The following TAF3 variants were observed in gnomAD, a reference collection of about 807,000 sequenced individuals.
The protein encoded by TAF3 is transcription initiation factor TFIID subunit 3.
Under a neutral mutation model 80.6 loss-of-function variants are expected in TAF3, and 7 were observed. The observed-to-expected ratio is 0.09, with a 90% CI of 0.05 to 0.16. The LOEUF is 0.16. TAF3 is among the 10% of genes least tolerant of loss of function. The pLI, the probability that TAF3 is intolerant of heterozygous loss-of-function variation, is 1.00. For missense variants in TAF3, 921 were observed against 1,140.2 expected (o/e 0.81, Z 2.77); for synonymous variants, 444 against 446.1 (o/e 1.00, Z 0.06).
rs574905669 is a variant in TAF3, at chr10:7,856,416, G to T, written c.409+31856G>T. ...AATCGCTTGAACCCAGTAGGTGGAG[G>T]TTGCAGTGAGCCGAGATCATGCCAC... On this transcript the variant is annotated intron_variant, in intron 2 of 6. Transcript: ENST00000344293. 1.4e-4 allele frequency among the ~76,000 whole-genome samples: 21 copies of T among 152,274 alleles called. No homozygotes were observed. The South Asian group carries it at 4.1e-3, about 30-fold the overall frequency.
intron 4 of TAF3, among the ~76,000 whole-genome samples, chr10:7,994,809 C>CAAAAAAAAAAAAA (rs34669002): frequency 2.7e-4 from 34 of 124,336 alleles, no homozygotes; most frequent in East Asian, 7.0e-4. Flanking sequence ...CTAAAAATAC[C>CAAAAAAAAAAAAA]AAAAAAAAAA....
chr10:8,013,630 T>C, intron 5 of TAF3, 101 bp from the exon 6 acceptor site: 1 of 869,900 alleles, frequency 1.1e-6, no homozygotes, highest in Non-Finnish European at 1.8e-6. Context: ...AATATGCCTG[T>C]TTATTCGGTT....
intron 2 of TAF3, among the ~76,000 whole-genome samples, chr10:7,843,964 T>A (rs1301396766): frequency 6.6e-6 from 1 of 152,204 alleles, no homozygotes; most frequent in Non-Finnish European, 1.5e-5. Flanking sequence ...CTCTTTCAAT[T>A]TCTGTTAGTG....
intron 2 of TAF3, among the ~76,000 whole-genome samples, chr10:7,901,934 T>G (rs1837562133): frequency 6.6e-6 from 1 of 152,202 alleles, no homozygotes; most frequent in African/African-American, 2.4e-5. Flanking sequence ...TTTTGCCACA[T>G]TGGCTTTCTT....
chr10:7,951,885 T>G (rs1415878156), intron 2 of TAF3, among the ~76,000 whole-genome samples: 20 of 152,198 alleles, frequency 1.3e-4, no homozygotes, highest in Admixed American at 9.8e-4. Context: ...CATGTCTCTA[T>G]GATTGTAGGG....
intron 2 of TAF3, among the ~76,000 whole-genome samples, chr10:7,928,021 C>T (rs1464617312): frequency 6.6e-6 from 1 of 151,914 alleles, no homozygotes. Flanking sequence ...ATTTGTTTTA[C>T]GGCCTCTAAC....
chr10:7,920,224 G>A (rs1483713145), intron 2 of TAF3, among the ~76,000 whole-genome samples: 3 of 151,716 alleles, frequency 2.0e-5, no homozygotes, highest in South Asian at 2.1e-4. Flanking sequence ...ACTGCACTCC[G>A]GCCTGCGCGA....
At chr10:7,923,267 T>G (rs1837782248) in intron 2 of TAF3, among the ~76,000 whole-genome samples, 1 of 151,890 alleles carries the variant, frequency 6.6e-6, no homozygotes, top group Non-Finnish European at 1.5e-5. Context: ...AAAAATAGAG[T>G]AGTGGTAAGA....
At chr10:7,848,201 A>C (rs1185259943) in intron 2 of TAF3, among the ~76,000 whole-genome samples, 1 of 152,252 alleles carries the variant, frequency 6.6e-6, no homozygotes, top group East Asian at 1.9e-4. Context: ...TTCCTGATAT[A>C]CTGAGGGTTA....
intron 2 of TAF3, among the ~76,000 whole-genome samples, chr10:7,875,082 G>T (rs1268798888): frequency 6.6e-6 from 1 of 152,038 alleles, no homozygotes; most frequent in Non-Finnish European, 1.5e-5. Context: ...TATCTTAGCT[G>T]ATAATTGAAA....
At chr10:7,962,957 G>C (rs1831524512) in intron 2 of TAF3, among the ~76,000 whole-genome samples, 1 of 152,186 alleles carries the variant, frequency 6.6e-6, no homozygotes, top group South Asian at 2.1e-4. Flanking sequence ...CAAGTAGGCA[G>C]GGCAAGTAAC....
rs80070469 is a variant in TAF3 at position 7,940,151 on chromosome 10, T to G, written c.410-23769T>G. Among the ~76,000 whole-genome samples, 648 of 152,316 alleles carry G rather than the reference T, an allele frequency of 4.3e-3. 7 individuals are homozygous for G. The highest frequency in any genetic ancestry group is 0.015 in the African/African-American group (609 of 41,570). Reference sequence around the variant, plus strand: ...GTGAAGGTTAGAAGATGGTAGTACATACCATCAGAATTTTGAGTGAAATAA... The same window carrying G: ...GTGAAGGTTAGAAGATGGTAGTACAGACCATCAGAATTTTGAGTGAAATAA... On this transcript the variant is annotated intron_variant, in intron 2 of 6. Transcript: ENST00000344293.
At chr10:7,856,292 A>G (rs546844854) in intron 2 of TAF3, among the ~76,000 whole-genome samples, 1 of 152,222 alleles carries the variant, frequency 6.6e-6, no homozygotes, top group East Asian at 1.9e-4. Context: ...CCTGGCCAGC[A>G]TGGTGAAACC....
intron 2 of TAF3, among the ~76,000 whole-genome samples, chr10:7,864,073 C>T (rs1255982685): frequency 6.6e-6 from 1 of 152,070 alleles, no homozygotes; most frequent in African/African-American, 2.4e-5. Flanking sequence ...GATGAACCTG[C>T]CTTGACACAT....
intron 2 of TAF3, among the ~76,000 whole-genome samples, chr10:7,834,493 A>G (rs1210678063): frequency 6.6e-6 from 1 of 152,140 alleles, no homozygotes; most frequent in Non-Finnish European, 1.5e-5. Context: ...TACTTATTAT[A>G]TATAACTCGG....
rs866743062 is a variant in TAF3, at chr10:7,991,407, C to T, written c.2315+14084C>T. On this transcript the variant is annotated intron_variant, in intron 4 of 6. Transcript: ENST00000344293. The stretch of plus-strand genomic sequence containing the variant: ...TATTTCTTTGCAGTATGGAAAAACA[C>T]ATTATTTTATTTCATCTTATATTTT... 3.3e-5 allele frequency among the ~76,000 whole-genome samples: 5 copies of T among 151,944 alleles called. No individual in the cohort carries two copies. In the South Asian group the frequency reaches 1.0e-3, roughly 32 times the overall value.
chr10:7,840,082 G>GA (rs1588519281), intron 2 of TAF3, among the ~76,000 whole-genome samples: 1 of 151,626 alleles, frequency 6.6e-6, no homozygotes, highest in Non-Finnish European at 1.5e-5. Context: ...TTAAGGGATT[G>GA]AAAAATTTTT....
chr10:7,858,288 A>G (rs1033493295), intron 2 of TAF3, among the ~76,000 whole-genome samples: 1 of 152,156 alleles, frequency 6.6e-6, no homozygotes, highest in African/African-American at 2.4e-5. Context: ...CAAAGAAGTG[A>G]GTGATGTTAC....
intron 2 of TAF3, among the ~76,000 whole-genome samples, chr10:7,830,077 G>T (rs1470100555): frequency 1.3e-5 from 2 of 151,816 alleles, no homozygotes; most frequent in Non-Finnish European, 2.9e-5. Flanking sequence ...GGCAGATGGG[G>T]CTCCTCTGCA....
Sources: allele counts gnomAD v4.1 joint callset (sites outside exome capture counted in the v4.1 genomes callset), GRCh38; gene constraint gnomAD v4.1.1; transcripts MANE v1.5; gene names NCBI Gene and HGNC (gene_info 2026-07-23, HGNC 2026-07-21).